The following NOS1AP variants were observed in gnomAD, a reference collection of about 807,000 sequenced individuals.
NOS1AP encodes the protein nitric oxide synthase 1 adaptor protein, also known as carboxyl-terminal PDZ ligand of neuronal nitric oxide synthase protein.
A neutral mutation model predicts 56.2 loss-of-function variants in NOS1AP; 21 were observed. The ratio of observed to expected loss-of-function variants is 0.37; its 90% CI spans 0.26 to 0.54. The LOEUF (loss-of-function observed/expected upper bound fraction) is 0.54. Ranked by LOEUF, NOS1AP falls within the 20% of genes least tolerant of loss-of-function variation. NOS1AP has a pLI of 0.84. For synonymous variants in NOS1AP, 270 were observed against 274.6 expected (o/e 0.98, Z 0.17); for missense variants, 522 against 657.8 (o/e 0.79, Z 2.26).
Position 162,355,212 on chromosome 1 carries a change from G to A in NOS1AP, c.621G>A (p.Arg207=). Residue 207 remains arginine, a synonymous_variant, in exon 7 of 10, where the codon AGG becomes AGA. Coordinates refer to ENST00000361897, the MANE Select transcript of NOS1AP (RefSeq NM_014697.3). ...DPGRQLTGAE[R]ASTATAEETD... Reference sequence around the variant, plus strand: ...GCCGCCAGCTCACTGGAGCCGAGAGGGCCTCCACGGCCACTGCAGAGGAGA... The same window carrying A: ...GCCGCCAGCTCACTGGAGCCGAGAGAGCCTCCACGGCCACTGCAGAGGAGA... 5.0e-6 allele frequency: 8 copies of A among 1,614,074 alleles called. No homozygotes were observed. The highest frequency in any genetic ancestry group is 6.8e-6 in the Non-Finnish European group (8 of 1,180,000).
At chr1:162,252,790 T>G (rs1331301098) in intron 2 of NOS1AP, among the ~76,000 whole-genome samples, 4 of 152,230 alleles carry the variant, frequency 2.6e-5, no homozygotes, top group Non-Finnish European at 5.9e-5. Context: ...AATTTAAGTT[T>G]CAATTCATTA....
intron 1 of NOS1AP, among the ~76,000 whole-genome samples, chr1:162,099,406 G>T (rs915871041): frequency 6.6e-6 from 1 of 151,916 alleles, no homozygotes; most frequent in Non-Finnish European, 1.5e-5. Flanking sequence ...TAGCCAGGAT[G>T]GTCTCAATTT....
At chr1:162,277,880 A>G (rs1571184350) in intron 2 of NOS1AP, among the ~76,000 whole-genome samples, 1 of 152,266 alleles carries the variant, frequency 6.6e-6, no homozygotes, top group East Asian at 1.9e-4. Context: ...CTTACTATGC[A>G]GTGCTTGATA....
intron 1 of NOS1AP, among the ~76,000 whole-genome samples, chr1:162,122,153 A>G (rs1017369685): frequency 1.3e-5 from 2 of 152,232 alleles, no homozygotes; most frequent in African/African-American, 4.8e-5. Context: ...ATAATTAGCA[A>G]ATGTAAATGA....
At chr1:162,201,310 A>T (rs759400847) in intron 2 of NOS1AP, among the ~76,000 whole-genome samples, 1 of 152,140 alleles carries the variant, frequency 6.6e-6, no homozygotes, top group Non-Finnish European at 1.5e-5. Flanking sequence ...GTAGTCTATC[A>T]TATCCTTTAG....
chr1:162,239,921 A>G (rs1204501100), intron 2 of NOS1AP, among the ~76,000 whole-genome samples: 3 of 152,198 alleles, frequency 2.0e-5, no homozygotes, highest in Non-Finnish European at 4.4e-5. Flanking sequence ...AAAGGCCTGT[A>G]TATTGCCAAC....
intron 2 of NOS1AP, among the ~76,000 whole-genome samples, chr1:162,176,101 A>G (rs976866148): frequency 1.3e-5 from 2 of 152,202 alleles, no homozygotes; most frequent in Admixed American, 6.5e-5. Flanking sequence ...TACATTTGTA[A>G]TACATTTAGA....
intron 1 of NOS1AP, among the ~76,000 whole-genome samples, chr1:162,084,302 G>C (rs1180553272): frequency 6.6e-6 from 1 of 152,158 alleles, no homozygotes; most frequent in Non-Finnish European, 1.5e-5. Flanking sequence ...TAGATCTCCT[G>C]TTCTAGCAGG....
At chr1:162,348,122 C>T (rs1268495488) in intron 6 of NOS1AP, among the ~76,000 whole-genome samples, 2 of 152,164 alleles carry the variant, frequency 1.3e-5, no homozygotes, top group Non-Finnish European at 2.9e-5. Context: ...CTTCCTAGCA[C>T]AGTAAAGACT....
intron 2 of NOS1AP, among the ~76,000 whole-genome samples, chr1:162,241,292 C>T (rs932404524): frequency 9.2e-5 from 14 of 152,208 alleles, no homozygotes; most frequent in African/African-American, 3.1e-4. Context: ...ATGTGCCAGG[C>T]GCAGAGCTGA....
In NOS1AP at chr1:162,087,443, C is replaced by G. The variant is rs566725122; in HGVS notation, c.105+17161C>G. ...GTCTACTCTTTATTCAGCATGGAAG[C>G]TGGGGTCTGAGAGACTGGAATGTGG... On this transcript the variant is annotated intron_variant, in intron 1 of 9. Transcript: ENST00000361897. Among the ~76,000 whole-genome samples, 20 of 152,278 alleles carry G rather than the reference C, an allele frequency of 1.3e-4. No individual in the cohort carries two copies. In the East Asian group the frequency reaches 3.9e-3, roughly 29 times the overall value.
intron 2 of NOS1AP, among the ~76,000 whole-genome samples, chr1:162,282,372 C>T (rs1258428932): frequency 6.6e-6 from 1 of 152,152 alleles, no homozygotes; most frequent in East Asian, 1.9e-4. Flanking sequence ...CATGTTGTAG[C>T]ATATGTCAGA....
At position 162,242,971 on chromosome 1, in the gene NOS1AP, C is replaced by T. The variant is rs1653536589; in HGVS notation, c.178-44373C>T. 2.0e-5 allele frequency among the ~76,000 whole-genome samples: 3 copies of T among 146,764 alleles called. 1 individual carries two copies. In the South Asian group the frequency reaches 7.0e-4, roughly 34 times the overall value. ...TTGCATGTTGCTTTCGGTTTGAGCT[C>T]CTCCCCTATATACGCATACCCATGT... On this transcript the variant is annotated intron_variant, in intron 2 of 9. Transcript: ENST00000361897.
At chr1:162,265,985 A>G (rs1473831389) in intron 2 of NOS1AP, among the ~76,000 whole-genome samples, 1 of 152,200 alleles carries the variant, frequency 6.6e-6, no homozygotes, top group Non-Finnish European at 1.5e-5. Context: ...GAGGCCAGAC[A>G]GTAGGATGGA....
intron 2 of NOS1AP, among the ~76,000 whole-genome samples, chr1:162,183,465 C>T (rs1297089683): frequency 6.6e-6 from 1 of 152,182 alleles, no homozygotes; most frequent in Non-Finnish European, 1.5e-5. Context: ...AGCTTTGAAA[C>T]CAGTTATTGA....
chr1:162,087,211 T>C (rs1024762668), intron 1 of NOS1AP, among the ~76,000 whole-genome samples: 5 of 152,128 alleles, frequency 3.3e-5, no homozygotes, highest in African/African-American at 1.2e-4. Flanking sequence ...CAGTAGCTCG[T>C]GACAGTGATG....
At chr1:162,180,564 A>G (rs1170621966) in intron 2 of NOS1AP, among the ~76,000 whole-genome samples, 1 of 151,886 alleles carries the variant, frequency 6.6e-6, no homozygotes, top group Non-Finnish European at 1.5e-5. Flanking sequence ...GTTATTTAAG[A>G]CCCCATTTTA....
chr1:162,274,280 G>A (rs930333752), intron 2 of NOS1AP, among the ~76,000 whole-genome samples: 3 of 152,164 alleles, frequency 2.0e-5, no homozygotes, highest in East Asian at 1.9e-4. Context: ...TCAAGAGGCC[G>A]GAGGAGAGAC....
intron 2 of NOS1AP, among the ~76,000 whole-genome samples, chr1:162,283,044 C>G (rs1571188402): frequency 6.6e-6 from 1 of 151,676 alleles, no homozygotes; most frequent in Middle Eastern, 3.4e-3. Flanking sequence ...GACTGAAGAA[C>G]CAAGGATCCT....
Sources: allele counts gnomAD v4.1 joint callset (sites outside exome capture counted in the v4.1 genomes callset), GRCh38; gene constraint gnomAD v4.1.1; transcripts MANE v1.5; gene names NCBI Gene and HGNC (gene_info 2026-07-23, HGNC 2026-07-21).